The following CLPTM1 variants were observed in gnomAD, a reference collection of about 807,000 sequenced individuals.
CLPTM1 encodes CLPTM1 regulator of GABA type A receptor forward trafficking.
CLPTM1 carries 21 observed loss-of-function variants against 77.3 expected under a neutral mutation model. The ratio of observed to expected loss-of-function variants is 0.27; its 90% CI spans 0.19 to 0.39. The LOEUF (loss-of-function observed/expected upper bound fraction) is 0.39. CLPTM1 is among the 10% of genes least tolerant of loss of function. The pLI is 1.00. For synonymous variants in CLPTM1, 373 were observed against 381.0 expected (o/e 0.98, Z 0.24); for missense variants, 642 against 921.2 (o/e 0.70, Z 3.92).
At chr19:44,988,984 C>T (rs1338589268) in intron 9 of CLPTM1, among the ~76,000 whole-genome samples, 1 of 152,196 alleles carries the variant, frequency 6.6e-6, no homozygotes, top group Non-Finnish European at 1.5e-5. Context: ...AGTTTGAGAC[C>T]AGCCTGGGCA....
chr19:44,991,369 C>G lies in CLPTM1; in HGVS notation c.1551C>G (p.Thr517=). 1 of 1,612,036 alleles carries G rather than the reference C, an allele frequency of 6.2e-7. No homozygotes were observed. The highest frequency in any genetic ancestry group is 8.5e-7 in the Non-Finnish European group (1 of 1,179,872). ...VLSMLYGFLL[T]FGFITMTPQL... ...GCATGCTCTACGGCTTCCTGCTGACCTTCGGTGAGCGGTCCGGCCGCCCCA... is the reference window on the plus strand; with the variant it reads ...GCATGCTCTACGGCTTCCTGCTGACGTTCGGTGAGCGGTCCGGCCGCCCCA... The change falls in exon 12 of 14, where the codon ACC becomes ACG. Residue 517 remains threonine, a synonymous_variant. Transcript: ENST00000337392. The surrounding 1 kb of genome is among the most constrained non-coding windows in gnomAD (Gnocchi z 5.4).
In CLPTM1 at chr19:44,992,666, C is replaced by A; in HGVS notation, c.1779C>A (p.Thr593=). The A allele has an allele frequency of 6.2e-7, 1 of 1,614,006 alleles. No individual in the cohort carries two copies. Among genetic ancestry groups the A allele is most frequent in the Non-Finnish European group, 8.5e-7 (1 of 1,179,960 alleles). The change falls in exon 14 of 14, where the codon ACC becomes ACA. Residue 593 remains threonine, a synonymous_variant. Coordinates refer to ENST00000337392, the MANE Select transcript of CLPTM1 (RefSeq NM_001294.4). This position sits in a 1 kb window ranked among gnomAD's most constrained non-coding sequence, Gnocchi z 7.7. ...GGTGGATCTACCGCGTCGACCCCAC[C>A]CGAGTCAACGAGTTTGGCATGAGTG... The part of the protein sequence containing the change: ...YQRWIYRVDP[T]RVNEFGMSGE...
chr19:44,985,118 G>T, intron 5 of CLPTM1, 100 bp from the exon 6 acceptor site: 1 of 769,044 alleles, frequency 1.3e-6, no homozygotes. Context: ...GTGGATGCCA[G>T]GAGACCGTGA....
At chr19:44,972,518 G>A (rs1283158143) in intron 2 of CLPTM1, among the ~76,000 whole-genome samples, 1 of 152,056 alleles carries the variant, frequency 6.6e-6, no homozygotes, top group South Asian at 2.1e-4. Flanking sequence ...CAAAGTGCTG[G>A]GATTACAGGC....
chr19:44,963,650 C>T (rs1013365200), intron 2 of CLPTM1, among the ~76,000 whole-genome samples: 5 of 149,346 alleles, frequency 3.3e-5, no homozygotes, highest in South Asian at 2.1e-4. Context: ...AATGGAGTCT[C>T]GCTCTGTTTC....
intron 1 of CLPTM1, among the ~76,000 whole-genome samples, chr19:44,960,956 G>T (rs1246238786): frequency 1.3e-5 from 2 of 152,182 alleles, no homozygotes; most frequent in South Asian, 4.1e-4. Context: ...GTGCGTGAAG[G>T]GTGAGCAGAA....
intron 1 of CLPTM1, among the ~76,000 whole-genome samples, chr19:44,956,579 G>C (rs1323023975): frequency 6.6e-6 from 1 of 152,172 alleles, no homozygotes; most frequent in African/African-American, 2.4e-5. Flanking sequence ...CCAGGGCCTG[G>C]CTTCAGGGAC....
At chr19:44,975,694 G>T (rs920320930) in intron 4 of CLPTM1, among the ~76,000 whole-genome samples, 3 of 152,104 alleles carry the variant, frequency 2.0e-5, no homozygotes, top group African/African-American at 7.2e-5. Flanking sequence ...CTCCTGAGTA[G>T]CTGGGACTAA....
At chr19:44,968,076 T>C (rs1200070008) in intron 2 of CLPTM1, among the ~76,000 whole-genome samples, 1 of 152,244 alleles carries the variant, frequency 6.6e-6, no homozygotes, top group African/African-American at 2.4e-5. Context: ...AATATATCTT[T>C]GAAATCTTTC....
Position 44,955,406 on chromosome 19 carries a change from C to T in CLPTM1, c.11C>T (p.Ala4Val). 1 of 1,322,756 alleles carries T rather than the reference C, an allele frequency of 7.6e-7. No homozygotes were observed. The highest frequency in any genetic ancestry group is 9.7e-7 in the Non-Finnish European group (1 of 1,035,162). 81.9% of individuals were successfully genotyped at this position (1,322,756 alleles called of 1,614,324 possible). A position where few individuals can be genotyped will look rare whatever the true frequency, so the allele number is the denominator to read the frequency against. Residue 4 changes from alanine (A) to valine (V), a missense_variant, in exon 1 of 14, where the codon GCG becomes GTG. Ala to Val is a moderately conservative substitution (Grantham distance 64). Coordinates refer to ENST00000337392, the MANE Select transcript of CLPTM1 (RefSeq NM_001294.4). The stretch of plus-strand genomic sequence containing the variant: ...ACCCGGAGCGGGAAGATGGCGGCGG[C>T]GCAGGAGGCGGACGGGGCCCGCAGC... MAA[A>V]QEADGARSAV... is the part of the protein sequence containing the mutation.
chr19:44,977,151 C>T (rs1457424117), intron 4 of CLPTM1, among the ~76,000 whole-genome samples, 192 bp from the exon 5 acceptor site: 4 of 152,222 alleles, frequency 2.6e-5, no homozygotes, highest in African/African-American at 4.8e-5. Flanking sequence ...GCAGGTAGAG[C>T]GGGCGTCTGA....
At chr19:44,973,027 C>G (rs758318425) in intron 2 of CLPTM1, 60 bp from the exon 3 acceptor site, 2 of 1,588,326 alleles carry the variant, frequency 1.3e-6, no homozygotes, top group Admixed American at 3.6e-5. Flanking sequence ...GGAAGTCAGG[C>G]GGGTCTATGG....
chr19:44,992,601 C>G lies in CLPTM1; in HGVS notation c.1724-10C>G. ...AGCCCGACCTCACACTGCCTCCCAC[C>G]CCTCTCCAGATGTGGTTTTCTTCAT... On this transcript the variant is annotated splice_polypyrimidine_tract_variant and intron_variant, in intron 13 of 13. Transcript: ENST00000337392. This position sits in a 1 kb window ranked among gnomAD's most constrained non-coding sequence, Gnocchi z 7.7. The G allele has an allele frequency of 6.2e-6, 10 of 1,613,420 alleles. No homozygotes were observed. The highest frequency in any genetic ancestry group is 8.5e-6 in the Non-Finnish European group (10 of 1,179,862).
At position 44,990,218 on chromosome 19, in the gene CLPTM1, G is replaced by C. The variant is rs1240619956; in HGVS notation, c.1133-177G>C. The C allele has an allele frequency of 3.2e-6, 2 of 634,328 alleles. No individual in the cohort carries two copies. The highest frequency in any genetic ancestry group is 5.7e-5 in the Admixed American group (2 of 34,918). 39.3% of individuals were successfully genotyped at this position (634,328 alleles called of 1,614,324 possible). ...GGTGCCGCCTGTCTGGTGCTCTGGG[G>C]GTCACCCAATGAATATGAGAGCCTT... On this transcript the variant is annotated intron_variant, in intron 9 of 13. Transcript: ENST00000337392. This position sits in a 1 kb window ranked among gnomAD's most constrained non-coding sequence, Gnocchi z 4.8.
chr19:44,979,662 A>G (rs1970862578), intron 5 of CLPTM1, among the ~76,000 whole-genome samples: 1 of 152,122 alleles, frequency 6.6e-6, no homozygotes, highest in African/African-American at 2.4e-5. Flanking sequence ...TGACTTGGAA[A>G]GGTCTTCTGG....
chr19:44,971,704 A>G (rs912794683), intron 2 of CLPTM1, among the ~76,000 whole-genome samples: 3 of 151,834 alleles, frequency 2.0e-5, no homozygotes, highest in Non-Finnish European at 4.4e-5. Context: ...GACTACAGGC[A>G]TGGGCCACCA....
intron 8 of CLPTM1, 129 bp from the exon 9 acceptor site, chr19:44,987,951 C>T (rs772207419): frequency 2.7e-6 from 2 of 728,726 alleles, no homozygotes; most frequent in Non-Finnish European, 5.0e-6. Context: ...CATCTCTGAC[C>T]CAGTCTCCTC....
intron 2 of CLPTM1, among the ~76,000 whole-genome samples, chr19:44,966,893 G>C (rs1296997316): frequency 1.3e-5 from 2 of 151,998 alleles, no homozygotes; most frequent in Non-Finnish European, 2.9e-5. Context: ...CCAGGCTGGA[G>C]TGCAGTGGCG....
At chr19:44,955,734 GGGCGCA>G (rs1970453279) in intron 1 of CLPTM1, 1 of 367,668 alleles carries the variant, frequency 2.7e-6, no homozygotes, top group Admixed American at 4.6e-5. Flanking sequence ...TGGCTCGGAG[GGGCGCA>G]GGCTTGTACC....
Sources: allele counts gnomAD v4.1 joint callset (sites outside exome capture counted in the v4.1 genomes callset), GRCh38; gene constraint gnomAD v4.1.1; non-coding constraint Gnocchi (gnomAD v3.1); transcripts MANE v1.5; gene names NCBI Gene and HGNC (gene_info 2026-07-23, HGNC 2026-07-21).